Variants in SPMIP11 observed in about 807,000 individuals in gnomAD.
SPMIP11 encodes long intergenic non-protein coding RNA 935.
chr12:48,759,401 G>A, the SPMIP11 span: 7 of 689,070 alleles, frequency 1.0e-5, no homozygotes, highest in Non-Finnish European at 1.9e-5. Context: ...AGAATGGCTG[G>A]GATGAGGCCG....
chr12:48,729,955 A>T, the SPMIP11 span, among the ~76,000 whole-genome samples: 1 of 152,082 alleles, frequency 6.6e-6, no homozygotes, highest in East Asian at 1.9e-4. Context: ...CCAAATAAAG[A>T]GGAGCTCTTC....
At chr12:48,768,571 G>C in the SPMIP11 span, 3 of 1,613,900 alleles carry the variant, frequency 1.9e-6, no homozygotes, top group African/African-American at 1.3e-5. Context: ...CCCTTCAGCT[G>C]AATTTGTGGC....
the SPMIP11 span, among the ~76,000 whole-genome samples, chr12:48,764,666 A>G: frequency 7.9e-5 from 12 of 152,174 alleles, no homozygotes; most frequent in Non-Finnish European, 1.8e-4. Context: ...TTTGACCATG[A>G]AGGGTGTGAG....
the SPMIP11 span, among the ~76,000 whole-genome samples, chr12:48,757,175 A>G: frequency 6.6e-6 from 1 of 152,132 alleles, no homozygotes; most frequent in East Asian, 1.9e-4. Flanking sequence ...TGGAACAGCC[A>G]AGAGACAGAA....
chr12:48,747,464 T>C, the SPMIP11 span, among the ~76,000 whole-genome samples: 1 of 152,352 alleles, frequency 6.6e-6, no homozygotes, highest in South Asian at 2.1e-4. Context: ...CCTCCCACTT[T>C]GATCAGACTG....
chr12:48,768,291 C>T, the SPMIP11 span: 1 of 468,232 alleles, frequency 2.1e-6, no homozygotes, highest in Non-Finnish European at 3.9e-6. Flanking sequence ...GGCAAGAGGC[C>T]TCCCTCTGCT....
At chr12:48,732,277 A>G in the SPMIP11 span, among the ~76,000 whole-genome samples, 1 of 152,156 alleles carries the variant, frequency 6.6e-6, no homozygotes, top group Non-Finnish European at 1.5e-5. Context: ...ATTTAGTGAA[A>G]TCACCATTTG....
the SPMIP11 span, chr12:48,765,699 G>A: frequency 1.4e-6 from 1 of 702,384 alleles, no homozygotes; most frequent in Non-Finnish European, 2.6e-6. Context: ...TGGCAAGAGT[G>A]CAGAGGGGGA....
At chr12:48,728,479 C>T in the SPMIP11 span, among the ~76,000 whole-genome samples, 503 of 152,026 alleles carry the variant, frequency 3.3e-3, 2 homozygotes, top group African/African-American at 0.011. Flanking sequence ...GAGGCCGAGG[C>T]GGGCGGATCA....
the SPMIP11 span, chr12:48,768,827 C>T: frequency 1.3e-6 from 2 of 1,553,472 alleles, no homozygotes; most frequent in East Asian, 2.3e-5. Context: ...CCCTGCCCCA[C>T]CATACACAGA....
the SPMIP11 span, among the ~76,000 whole-genome samples, chr12:48,746,256 A>C: frequency 4.6e-5 from 7 of 152,326 alleles, no homozygotes; most frequent in Admixed American, 3.3e-4. Context: ...ACATCTAAAA[A>C]TCCAGAGATT....
the SPMIP11 span, among the ~76,000 whole-genome samples, chr12:48,761,557 A>G: frequency 6.0e-5 from 9 of 149,958 alleles, no homozygotes; most frequent in African/African-American, 2.2e-4. Flanking sequence ...GGCTGCCATG[A>G]GCTGTGATAG....
At chr12:48,752,006 G>T in the SPMIP11 span, among the ~76,000 whole-genome samples, 3 of 150,206 alleles carry the variant, frequency 2.0e-5, no homozygotes, top group South Asian at 6.3e-4. Flanking sequence ...GGCGGAGGTT[G>T]CAGTGAGCTC....
At chr12:48,749,126 G>T in the SPMIP11 span, among the ~76,000 whole-genome samples, 2 of 151,986 alleles carry the variant, frequency 1.3e-5, no homozygotes, top group Non-Finnish European at 2.9e-5. Flanking sequence ...GCTGGGCGTG[G>T]TGGTGCACGC....
chr12:48,728,707 C>CAAAAAAAAAAAA, the SPMIP11 span, among the ~76,000 whole-genome samples: 3 of 70,968 alleles, frequency 4.2e-5, no homozygotes, highest in African/African-American at 1.8e-4. Context: ...GACTCTGTCT[C>CAAAAAAAAAAAA]AAAAAAAAAA....
chr12:48,753,827 G>A, the SPMIP11 span, among the ~76,000 whole-genome samples: 1 of 150,172 alleles, frequency 6.7e-6, no homozygotes, highest in Non-Finnish European at 1.5e-5. Flanking sequence ...CTCAGCCTCC[G>A]GAGTAGCTGG....
chr12:48,756,134 C>T, the SPMIP11 span, among the ~76,000 whole-genome samples: 4 of 151,642 alleles, frequency 2.6e-5, no homozygotes, highest in Non-Finnish European at 2.9e-5. Flanking sequence ...CCGCCTGCCT[C>T]GGCCTCCCAA....
At chr12:48,765,142 G>A in the SPMIP11 span, 44 of 595,618 alleles carry the variant, frequency 7.4e-5, no homozygotes, top group Admixed American at 1.3e-3. Context: ...CAGAATTTGG[G>A]CCGTGATGAC....
At chr12:48,765,750 G>A in the SPMIP11 span, 28 of 692,500 alleles carry the variant, frequency 4.0e-5, no homozygotes, top group Admixed American at 4.9e-4. Flanking sequence ...ACTAATGGGA[G>A]GAGGAGATGG....
Sources: allele counts gnomAD v4.1 joint callset (sites outside exome capture counted in the v4.1 genomes callset), GRCh38; gene constraint gnomAD v4.1.1; transcripts MANE v1.5; gene names NCBI Gene and HGNC (gene_info 2026-07-23, HGNC 2026-07-21).